The following FSHR variants were observed in gnomAD, a reference collection of about 807,000 sequenced individuals.
The protein encoded by FSHR is follicle stimulating hormone receptor.
FSHR carries 46 observed loss-of-function variants against 52.1 expected under a neutral mutation model. The observed-to-expected ratio is 0.88, with a 90% confidence interval of 0.70 to 1.13. The LOEUF is 1.13. Among genes scored for constraint, FSHR ranks in the 50% most tolerant of loss-of-function variants. The pLI, the probability that FSHR is intolerant of heterozygous loss-of-function variation, is 0.00. For missense variants in FSHR, 964 were observed against 834.6 expected, an observed-to-expected ratio of 1.16 and a Z score of -1.91; for synonymous variants, 399 against 309.6, an observed-to-expected ratio of 1.29 and a Z score of -3.03.
chr2:49,019,394 T>TA lies in FSHR; in HGVS notation c.299+691_299+692insT, dbSNP rs570424000. Reference sequence around the variant, plus strand: ...AGTCTCTTCTGGCTTTGACATTCTATGATTCTATGAAATAATTTATAGTAA... The same window carrying TA: ...AGTCTCTTCTGGCTTTGACATTCTATAGATTCTATGAAATAATTTATAGTAA... On this transcript the variant is annotated intron_variant, in intron 3 of 9. Coordinates refer to ENST00000406846, the MANE Select transcript of FSHR (RefSeq NM_000145.4). Among the ~76,000 whole-genome samples, 451 of 152,338 alleles carry TA rather than the reference T, an allele frequency of 3.0e-3. 1 individual carries two copies. Among genetic ancestry groups the TA allele is most frequent in the Non-Finnish European group, 4.6e-3 (314 of 68,026 alleles).
At chr2:49,143,040 G>C (rs539561212) in intron 1 of FSHR, among the ~76,000 whole-genome samples, 1 of 152,268 alleles carries the variant, frequency 6.6e-6, no homozygotes, top group East Asian at 1.9e-4. Flanking sequence ...GCTCCATAAG[G>C]CAGTCAGAAA....
intron 9 of FSHR, among the ~76,000 whole-genome samples, chr2:48,964,588 C>T (rs1476518493): frequency 6.6e-6 from 1 of 152,118 alleles, no homozygotes; most frequent in Admixed American, 6.6e-5. Context: ...CCACAATAGG[C>T]CTCAGCATGT....
chr2:49,130,773 T>G (rs1176278661), intron 1 of FSHR, among the ~76,000 whole-genome samples: 1 of 152,200 alleles, frequency 6.6e-6, no homozygotes, highest in Non-Finnish European at 1.5e-5. Context: ...GTACTTCTGA[T>G]TTCTAAATGG....
intron 4 of FSHR, among the ~76,000 whole-genome samples, chr2:49,007,290 A>G (rs963028549): frequency 6.6e-6 from 1 of 152,072 alleles, no homozygotes; most frequent in Admixed American, 6.6e-5. Flanking sequence ...CAAGTACTAT[A>G]GACAAGTCAG....
chr2:49,131,292 A>G (rs1672253031), intron 1 of FSHR, among the ~76,000 whole-genome samples: 2 of 152,222 alleles, frequency 1.3e-5, no homozygotes, highest in Admixed American at 6.6e-5. Context: ...AGTTATTTAT[A>G]TCTAATTGGA....
rs61197425 is a variant in FSHR at position 48,962,182 on chromosome 2, G to A, written c.*551C>T. On this transcript the variant is annotated 3_prime_UTR_variant, in exon 10 of 10. Coordinates refer to ENST00000406846, the MANE Select transcript of FSHR (RefSeq NM_000145.4). ...AAACACATGAGGAAGGGAAATCTGG[G>A]AAATGTATTTCAGCCTATCCACACT... 5.9e-6 allele frequency: 1 copy of A among 168,758 alleles called. No individual in the cohort carries two copies. Among genetic ancestry groups the A allele is most frequent in the East Asian group, 1.7e-4 (1 of 6,004 alleles). 10.5% of individuals were successfully genotyped at this position (168,758 alleles called of 1,614,324 possible).
At chr2:49,124,401 T>C (rs556065862) in intron 1 of FSHR, among the ~76,000 whole-genome samples, 3 of 152,128 alleles carry the variant, frequency 2.0e-5, no homozygotes, top group South Asian at 4.1e-4. Flanking sequence ...TAATATTACA[T>C]TCATATCCAA....
At chr2:49,018,214 C>T (rs1667559498) in intron 3 of FSHR, among the ~76,000 whole-genome samples, 2 of 152,174 alleles carry the variant, frequency 1.3e-5, no homozygotes, top group African/African-American at 4.8e-5. Context: ...TGAGGCTGCT[C>T]ACTCAGAGCT....
intron 5 of FSHR, among the ~76,000 whole-genome samples, chr2:48,989,703 A>G (rs979630270): frequency 6.6e-6 from 1 of 152,018 alleles, no homozygotes; most frequent in Non-Finnish European, 1.5e-5. Flanking sequence ...CCTCATGTCA[A>G]TCCCCTTCTT....
At chr2:49,068,379 A>G in intron 1 of FSHR, 89 bp from the exon 2 acceptor site, 6 of 1,078,882 alleles carry the variant, frequency 5.6e-6, no homozygotes, top group East Asian at 2.4e-5. Flanking sequence ...AACAGTTACC[A>G]TATACTAAGT....
chr2:49,045,730 T>C (rs1407736765), intron 2 of FSHR, among the ~76,000 whole-genome samples: 2 of 152,228 alleles, frequency 1.3e-5, no homozygotes, highest in Admixed American at 6.5e-5. Flanking sequence ...TTTTACTGCT[T>C]GGATTAGACA....
rs577558522 is a variant in FSHR at position 48,977,768 on chromosome 2, C to T, written c.668+5144G>A. On this transcript the variant is annotated intron_variant, in intron 8 of 9. Coordinates refer to ENST00000406846, the MANE Select transcript of FSHR (RefSeq NM_000145.4). ...AGACACACAGTAGGTGTTTAATCAA[C>T]ATCCACTAAATGTATGTCATGTAAG... Among the ~76,000 whole-genome samples, 35 of 152,286 alleles carry T rather than the reference C, an allele frequency of 2.3e-4. 1 individual carries two copies. Among genetic ancestry groups the T allele is most frequent in the Admixed American group, 2.0e-3 (30 of 15,302 alleles).
intron 1 of FSHR, among the ~76,000 whole-genome samples, chr2:49,084,529 C>G (rs566435773): frequency 1.5e-4 from 23 of 152,198 alleles, no homozygotes; most frequent in African/African-American, 5.5e-4. Context: ...GACAAAAAAA[C>G]CTTTCAAAAA....
At chr2:48,973,473 T>C (rs1254005066) in intron 8 of FSHR, among the ~76,000 whole-genome samples, 1 of 152,202 alleles carries the variant, frequency 6.6e-6, no homozygotes, top group Non-Finnish European at 1.5e-5. Flanking sequence ...TTTAAGCCAT[T>C]AAATTTTAAT....
At chr2:49,087,332 A>T (rs1265174612) in intron 1 of FSHR, among the ~76,000 whole-genome samples, 1 of 152,036 alleles carries the variant, frequency 6.6e-6, no homozygotes, top group Non-Finnish European at 1.5e-5. Context: ...GAAGAAGAGC[A>T]TTGGATGGAA....
At chr2:49,082,127 T>C (rs564309728) in intron 1 of FSHR, among the ~76,000 whole-genome samples, 12 of 152,308 alleles carry the variant, frequency 7.9e-5, no homozygotes, top group Non-Finnish European at 1.3e-4. Context: ...AAGAGAGCAG[T>C]GGTTCTCCCA....
chr2:49,061,002 C>T (rs1267703692), intron 2 of FSHR, among the ~76,000 whole-genome samples: 2 of 152,100 alleles, frequency 1.3e-5, no homozygotes, highest in African/African-American at 2.4e-5. Context: ...AAATTGCATC[C>T]ATACCTTTCT....
At chr2:49,129,643 G>T (rs1456111058) in intron 1 of FSHR, among the ~76,000 whole-genome samples, 1 of 151,958 alleles carries the variant, frequency 6.6e-6, no homozygotes, top group African/African-American at 2.4e-5. Flanking sequence ...CACTGACTGG[G>T]GGCTCCAAAT....
At chr2:49,040,441 ATTG>A (rs1388262304) in intron 2 of FSHR, among the ~76,000 whole-genome samples, 1 of 152,176 alleles carries the variant, frequency 6.6e-6, no homozygotes, top group Non-Finnish European at 1.5e-5. Context: ...AAAAAGGTCT[ATTG>A]TTCATTTATC....
Sources: gnomAD v4.1 joint callset for allele counts (sites outside exome capture counted in the v4.1 genomes callset) on GRCh38, gnomAD v4.1.1 for gene constraint, MANE v1.5 for transcripts, NCBI Gene and HGNC (gene_info 2026-07-23, HGNC 2026-07-21) for gene names.